SWT1: variants seen among roughly 807,000 people sequenced by gnomAD.
SWT1 encodes the protein transcriptional protein SWT1.
Under a neutral mutation model 107.3 loss-of-function variants are expected in SWT1, and 33 were observed. The observed-to-expected ratio is 0.31, with a 90% confidence interval of 0.23 to 0.41. The LOEUF is 0.41. SWT1 is among the 10% of genes least tolerant of loss of function. The pLI is 1.00. For synonymous variants in SWT1, 345 were observed against 348.3 expected, an observed-to-expected ratio of 0.99 and a Z score of 0.11; for missense variants, 898 against 1,028.9, an observed-to-expected ratio of 0.87 and a Z score of 1.74.
chr1:185,244,430 T>C (rs1228146547), intron 16 of SWT1, among the ~76,000 whole-genome samples: 1 of 152,114 alleles, frequency 6.6e-6, no homozygotes, highest in African/African-American at 2.4e-5. Flanking sequence ...TGGTAATTAT[T>C]TGTGTACCTA....
At chr1:185,277,700 T>G (rs1470369883) in intron 18 of SWT1, among the ~76,000 whole-genome samples, 1 of 152,182 alleles carries the variant, frequency 6.6e-6, no homozygotes, top group Non-Finnish European at 1.5e-5. Flanking sequence ...GAACAACTGA[T>G]ATAAAAAATA....
chr1:185,190,377 ACT>A (rs1415616798), intron 9 of SWT1, among the ~76,000 whole-genome samples, 170 bp from the exon 10 acceptor site: 1 of 152,112 alleles, frequency 6.6e-6, no homozygotes, highest in Admixed American at 6.5e-5. Context: ...GGTGTTGTAC[ACT>A]CTGTGGATTT....
intron 4 of SWT1, 109 bp from the exon 5 acceptor site, chr1:185,174,263 C>A: frequency 1.2e-6 from 1 of 817,396 alleles, no homozygotes; most frequent in Admixed American, 3.8e-5. Context: ...GCTATTTCTA[C>A]TTTTTATGAA....
chr1:185,161,075 C>T (rs777347630), intron 2 of SWT1, 150 bp downstream of exon 2: 44 of 623,564 alleles, frequency 7.1e-5, no homozygotes, highest in Non-Finnish European at 1.0e-4. Context: ...CGGTTTTTTA[C>T]TTGCATTGTT....
At chr1:185,212,023 A>G (rs1658855944) in intron 13 of SWT1, among the ~76,000 whole-genome samples, 1 of 150,262 alleles carries the variant, frequency 6.7e-6, no homozygotes, top group Non-Finnish European at 1.5e-5. Context: ...ACGTGGACAC[A>G]GGAAGGGGAA....
rs372111829 is a variant in SWT1 at position 185,197,021 on chromosome 1, GT to G, written c.1524-5629del. On this transcript the variant is annotated intron_variant, in intron 10 of 18. Transcript: ENST00000367500. ...AGGAGTGGAGAGAGAGGGCATCCTT[GT>G]TTTGTGCCGGTTTTCAAAGGCAAAG... is the stretch of plus-strand genomic sequence containing the variant. 5.1e-4 allele frequency among the ~76,000 whole-genome samples: 78 copies of G among 152,250 alleles called. 1 individual carries two copies. In the East Asian group the frequency reaches 0.015, roughly 29 times the overall value.
chr1:185,198,564 C>CT (rs947023629), intron 10 of SWT1, among the ~76,000 whole-genome samples: 1 of 152,116 alleles, frequency 6.6e-6, no homozygotes, highest in Non-Finnish European at 1.5e-5. Flanking sequence ...TGTTGGGAGT[C>CT]TAAGTCTCTT....
At chr1:185,188,134 AAACAAGGATACAT>A (rs2102400549) in intron 9 of SWT1, among the ~76,000 whole-genome samples, 1 of 152,346 alleles carries the variant, frequency 6.6e-6, no homozygotes, top group South Asian at 2.1e-4. Context: ...GTAAGTGGGA[AAACAAGGATACAT>A]AACCAGACTG....
intron 9 of SWT1, among the ~76,000 whole-genome samples, chr1:185,185,419 G>A (rs1656385908): frequency 6.6e-6 from 1 of 151,798 alleles, no homozygotes; most frequent in Admixed American, 6.6e-5. Context: ...TTCTATTAAG[G>A]CATTTAAAAA....
chr1:185,163,385 C>G (rs1654317384), intron 2 of SWT1, among the ~76,000 whole-genome samples: 1 of 151,226 alleles, frequency 6.6e-6, no homozygotes, highest in Admixed American at 6.6e-5. Flanking sequence ...ACTCCTAATC[C>G]ATGAAAGCTT....
At chr1:185,199,005 T>A (rs535836219) in intron 10 of SWT1, among the ~76,000 whole-genome samples, 1 of 151,326 alleles carries the variant, frequency 6.6e-6, no homozygotes, top group South Asian at 2.1e-4. Context: ...TGGTGAGATC[T>A]CAGCTCACTG....
chr1:185,236,040 A>C (rs1034587286), intron 16 of SWT1, among the ~76,000 whole-genome samples: 1 of 152,228 alleles, frequency 6.6e-6, no homozygotes, highest in East Asian at 1.9e-4. Context: ...GCTCAAAGAA[A>C]TAAGAGAAGA....
At chr1:185,249,063 A>G (rs1024859979) in intron 16 of SWT1, among the ~76,000 whole-genome samples, 4 of 152,074 alleles carry the variant, frequency 2.6e-5, no homozygotes, top group African/African-American at 9.7e-5. Context: ...CTGCATTCAG[A>G]TAGTGTCTGG....
chr1:185,178,503 C>T lies in SWT1; in HGVS notation c.967-1888C>T, dbSNP rs188776309. Among the ~76,000 whole-genome samples, 15 of 152,264 alleles carry T rather than the reference C, an allele frequency of 9.9e-5. 1 individual carries two copies. The highest frequency in any genetic ancestry group is 3.6e-4 in the African/African-American group (15 of 41,556). On this transcript the variant is annotated intron_variant, in intron 5 of 18. Transcript: ENST00000367500. ...TCTTTGTTACGATATTCCCTTTTGT[C>T]ATTCTCATGAAAGGCTTTATCCCAA...
intron 16 of SWT1, among the ~76,000 whole-genome samples, chr1:185,256,781 C>T (rs1277715583): frequency 6.6e-6 from 1 of 152,134 alleles, no homozygotes; most frequent in Non-Finnish European, 1.5e-5. Context: ...TTTCTCAGCT[C>T]GTCAAAGTCA....
At chr1:185,261,534 G>A (rs558343561) in intron 16 of SWT1, among the ~76,000 whole-genome samples, 10 of 152,174 alleles carry the variant, frequency 6.6e-5, no homozygotes, top group East Asian at 1.9e-4. Flanking sequence ...ACACTGGACC[G>A]TATGGTAATC....
intron 13 of SWT1, among the ~76,000 whole-genome samples, chr1:185,212,900 G>C (rs1027041462): frequency 6.6e-6 from 1 of 151,990 alleles, no homozygotes; most frequent in Non-Finnish European, 1.5e-5. Flanking sequence ...ACCTTCAGCT[G>C]TTGAATTATA....
chr1:185,266,867 A>G (rs1214530481), intron 16 of SWT1, among the ~76,000 whole-genome samples: 1 of 152,244 alleles, frequency 6.6e-6, no homozygotes, highest in Non-Finnish European at 1.5e-5. Context: ...TGATAAAGAT[A>G]AAACAACTAC....
chr1:185,161,385 C>G (rs776565230), intron 2 of SWT1, among the ~76,000 whole-genome samples: 1 of 152,262 alleles, frequency 6.6e-6, no homozygotes, highest in East Asian at 1.9e-4. Context: ...CCATGTCTTT[C>G]TCTGTTCTCT....
Sources: allele counts gnomAD v4.1 joint callset (sites outside exome capture counted in the v4.1 genomes callset), GRCh38; gene constraint gnomAD v4.1.1; transcripts MANE v1.5; gene names NCBI Gene and HGNC (gene_info 2026-07-23, HGNC 2026-07-21).